Variants in RTN4 observed in about 807,000 individuals in gnomAD.
RTN4 encodes reticulon-4.
In RTN4, 32 loss-of-function variants were observed where a neutral mutation model predicts 90.4. The ratio of observed to expected loss-of-function variants is 0.35; its 90% CI spans 0.27 to 0.48. The LOEUF is 0.48. Ranked by LOEUF, RTN4 falls within the 20% of genes least tolerant of loss-of-function variation. The pLI is 0.99. For missense variants in RTN4, 1,706 were observed against 1,430.2 expected (o/e 1.19, Z -3.11); for synonymous variants, 629 against 552.5 (o/e 1.14, Z -1.94).
intron 5 of RTN4, among the ~76,000 whole-genome samples, chr2:54,978,509 A>C (rs1182396651): frequency 2.6e-5 from 4 of 151,578 alleles, no homozygotes; most frequent in Non-Finnish European, 5.9e-5. Flanking sequence ...ATTTGAGGGC[A>C]CACAACAGAT....
At chr2:55,002,049 T>TTTTATTTATTTA (rs34110967) in intron 3 of RTN4, among the ~76,000 whole-genome samples, 5 of 151,006 alleles carry the variant, frequency 3.3e-5, no homozygotes, top group Admixed American at 6.6e-5. Context: ...TCAAATCTTA[T>TTTTATTTATTTA]TTTATTTATT....
chr2:54,975,227 A>C (rs1338910196), intron 5 of RTN4, among the ~76,000 whole-genome samples: 1 of 152,256 alleles, frequency 6.6e-6, no homozygotes, highest in Non-Finnish European at 1.5e-5. Flanking sequence ...TATCAGGGAA[A>C]TTACGTTTCA....
chr2:55,104,558 C>G (rs185741184), intron 1 of RTN4, among the ~76,000 whole-genome samples: 1 of 151,830 alleles, frequency 6.6e-6, no homozygotes. Flanking sequence ...ACCATGTTGA[C>G]GAAGCTGGTC....
chr2:55,094,830 G>A (rs546673793), intron 1 of RTN4, among the ~76,000 whole-genome samples: 2 of 152,254 alleles, frequency 1.3e-5, no homozygotes, highest in African/African-American at 4.8e-5. Context: ...AGAATGAAGT[G>A]GACTTGAGAC....
intron 5 of RTN4, among the ~76,000 whole-genome samples, chr2:54,975,625 C>G (rs528871409): frequency 6.6e-6 from 1 of 152,338 alleles, no homozygotes; most frequent in Non-Finnish European, 1.5e-5. Context: ...AGCTCCCACA[C>G]TATACAAAAA....
intron 2 of RTN4, among the ~76,000 whole-genome samples, chr2:55,065,451 ATC>A (rs1490443424): frequency 6.6e-6 from 1 of 152,222 alleles, no homozygotes; most frequent in African/African-American, 2.4e-5. Flanking sequence ...ATTAATGGAT[ATC>A]CACCAAAAGA....
chr2:54,987,151 G>T (rs1000727622), intron 4 of RTN4, among the ~76,000 whole-genome samples: 3 of 151,962 alleles, frequency 2.0e-5, no homozygotes, highest in African/African-American at 7.2e-5. Flanking sequence ...TTATCAGACA[G>T]CATAAAAAGC....
chr2:55,119,673 A>G, the RTN4 span, among the ~76,000 whole-genome samples: 65 of 152,294 alleles, frequency 4.3e-4, 2 homozygotes, highest in East Asian at 0.012. Context: ...CAGGGGGCAA[A>G]AAAGCAAAAG....
chr2:55,120,137 G>T, the RTN4 span, among the ~76,000 whole-genome samples: 1 of 152,220 alleles, frequency 6.6e-6, no homozygotes, highest in Non-Finnish European at 1.5e-5. Flanking sequence ...GCCTTGCCTT[G>T]GCAGAACCTA....
chr2:54,973,053 ACTGC>A lies in RTN4; in HGVS notation c.*99_*102del. ...TAAAGATCTAACAACGATCTGTGAA[ACTGC>A]ACTGCAACGTCAAGGTTCGTTCTTC... On this transcript the variant is annotated 3_prime_UTR_variant, in exon 9 of 9. Transcript: ENST00000337526. 1.1e-6 allele frequency: 1 copy of A among 882,750 alleles called. No individual in the cohort carries two copies. Among genetic ancestry groups the A allele is most frequent in the South Asian group, 1.6e-5 (1 of 62,132 alleles). 54.7% of individuals were successfully genotyped at this position (882,750 alleles called of 1,614,324 possible). A position where few individuals can be genotyped will look rare whatever the true frequency, so the allele number is the denominator to read the frequency against.
intron 1 of RTN4, among the ~76,000 whole-genome samples, chr2:55,045,262 TTTTC>T (rs1303134237): frequency 1.3e-5 from 2 of 152,338 alleles, no homozygotes; most frequent in Non-Finnish European, 1.5e-5. Flanking sequence ...ACTAATATTC[TTTTC>T]TTTGTCTTTA....
intron 5 of RTN4, among the ~76,000 whole-genome samples, chr2:54,980,053 A>G (rs1677992203): frequency 6.6e-6 from 1 of 152,184 alleles, no homozygotes; most frequent in Admixed American, 6.5e-5. Flanking sequence ...CTGTCTCATC[A>G]TGTGTTACTT....
At chr2:55,076,548 C>T (rs1330490380) in intron 2 of RTN4, among the ~76,000 whole-genome samples, 2 of 151,978 alleles carry the variant, frequency 1.3e-5, no homozygotes, top group Non-Finnish European at 2.9e-5. Flanking sequence ...TATAGGCATG[C>T]ATAACCACGC....
intron 4 of RTN4, among the ~76,000 whole-genome samples, chr2:54,984,884 T>C (rs189020058): frequency 1.3e-3 from 196 of 152,264 alleles, no homozygotes; most frequent in Admixed American, 2.0e-3. Flanking sequence ...GGCAGGAGGA[T>C]TGCTTGAGTC....
intron 1 of RTN4, among the ~76,000 whole-genome samples, chr2:55,090,544 A>G (rs929432967): frequency 6.6e-6 from 1 of 152,206 alleles, no homozygotes; most frequent in Admixed American, 6.5e-5. Context: ...GAAGGCAATG[A>G]GAATGAAGTC....
chr2:54,973,345 T>C (rs886376529), intron 8 of RTN4, 147 bp from the exon 9 acceptor site: 8 of 857,982 alleles, frequency 9.3e-6, no homozygotes, highest in African/African-American at 1.7e-5. Context: ...TTTTGCCACC[T>C]TGGCCTCATG....
At chr2:54,978,233 C>T (rs552028984) in intron 5 of RTN4, among the ~76,000 whole-genome samples, 12 of 152,180 alleles carry the variant, frequency 7.9e-5, no homozygotes, top group Middle Eastern at 3.4e-3. Context: ...AGTTCGAGAC[C>T]AGTCTGGCCA....
Position 54,995,497 on chromosome 2 carries a change from C to A in RTN4, c.3014-7799G>T, listed in dbSNP as rs551498808. On this transcript the variant is annotated intron_variant, in intron 3 of 8. Coordinates refer to ENST00000337526, the MANE Select transcript of RTN4 (RefSeq NM_020532.5). ...GGAGGGATCTCTAAGTGCCTTCATA[C>A]TGCATCATTTATTGTTGTGCATTTG... Among the ~76,000 whole-genome samples, 6 of 152,288 alleles carry A rather than the reference C, an allele frequency of 3.9e-5. 1 individual carries two copies. The South Asian group carries it at 1.2e-3, about 32-fold the overall frequency.
At chr2:54,982,729 C>A in intron 4 of RTN4, 76 bp from the exon 5 acceptor site, 1 of 1,447,392 alleles carries the variant, frequency 6.9e-7, no homozygotes, top group South Asian at 1.4e-5. Context: ...AATTATATAT[C>A]TGTAAGAAAT....
Sources: allele counts gnomAD v4.1 joint callset (sites outside exome capture counted in the v4.1 genomes callset), GRCh38; gene constraint gnomAD v4.1.1; transcripts MANE v1.5; gene names NCBI Gene and HGNC (gene_info 2026-07-23, HGNC 2026-07-21).